Variants in ZNF410 observed in about 807,000 individuals in gnomAD.
ZNF410 encodes another partner for ARF 1.
ZNF410 carries 18 observed loss-of-function variants against 54.8 expected under a neutral mutation model. The ratio of observed to expected loss-of-function variants is 0.33; its 90% CI spans 0.23 to 0.49. The LOEUF (loss-of-function observed/expected upper bound fraction) is 0.49. Ranked by LOEUF, ZNF410 falls within the 20% of genes least tolerant of loss-of-function variation. The pLI, the probability that ZNF410 is intolerant of heterozygous loss-of-function variation, is 0.99. For synonymous variants in ZNF410, 191 were observed against 207.3 expected (o/e 0.92, Z 0.68); for missense variants, 405 against 569.6 (o/e 0.71, Z 2.94).
chr14:73,895,334 C>G (rs1413537327), intron 3 of ZNF410: 1 of 152,088 alleles, frequency 6.6e-6, no homozygotes, highest in African/African-American at 2.4e-5. Flanking sequence ...TAAGTTAGTA[C>G]AGCCATTATG....
chr14:73,896,235 A>G, intron 3 of ZNF410, 81 bp from the exon 4 acceptor site: 1 of 982,322 alleles, frequency 1.0e-6, no homozygotes, highest in Non-Finnish European at 1.6e-6. Context: ...AGCTTCCAAG[A>G]GATGTTGGGT....
At chr14:73,889,236 G>A (rs570547225) in intron 1 of ZNF410, among the ~76,000 whole-genome samples, 19 of 152,084 alleles carry the variant, frequency 1.2e-4, no homozygotes, top group Middle Eastern at 3.4e-3. Flanking sequence ...GTGCAGTGGC[G>A]TGATCACTGT....
At chr14:73,894,078 A>T (rs1401325520) in intron 3 of ZNF410, 146 bp downstream of exon 3, 2 of 1,000,486 alleles carry the variant, frequency 2.0e-6, no homozygotes, top group Admixed American at 2.8e-5. Flanking sequence ...GCAACCATGA[A>T]ATCATTAGTG....
intron 9 of ZNF410, among the ~76,000 whole-genome samples, chr14:73,921,529 G>A (rs969179316): frequency 1.3e-5 from 2 of 152,152 alleles, no homozygotes; most frequent in African/African-American, 4.8e-5. Flanking sequence ...CCAGGCTGGA[G>A]TGCAGTGGCG....
intron 7 of ZNF410, among the ~76,000 whole-genome samples, chr14:73,906,856 CTG>C (rs2055498090): frequency 6.6e-6 from 1 of 151,998 alleles, no homozygotes; most frequent in Non-Finnish European, 1.5e-5. Context: ...GCTTTTATCT[CTG>C]TTAATCTCTG....
intron 1 of ZNF410, among the ~76,000 whole-genome samples, chr14:73,888,081 TACAGTAGGGA>T (rs1342037899): frequency 6.6e-6 from 1 of 152,092 alleles, no homozygotes; most frequent in East Asian, 1.9e-4. Context: ...AACAGGGCAT[TACAGTAGGGA>T]ACAGAGAACA....
chr14:73,896,174 C>T (rs2055314569), intron 3 of ZNF410, 142 bp from the exon 4 acceptor site: 2 of 648,822 alleles, frequency 3.1e-6, no homozygotes, highest in Non-Finnish European at 2.7e-6. Context: ...TTCTGTGAGA[C>T]AAAGTTTTTA....
intron 11 of ZNF410, among the ~76,000 whole-genome samples, chr14:73,924,377 G>T (rs901200165): frequency 6.6e-6 from 1 of 152,128 alleles, no homozygotes; most frequent in Non-Finnish European, 1.5e-5. Context: ...TTCCTAACAG[G>T]GCACGGACCA....
intron 8 of ZNF410, among the ~76,000 whole-genome samples, chr14:73,911,255 G>A (rs890747225): frequency 1.3e-5 from 2 of 152,138 alleles, no homozygotes; most frequent in African/African-American, 4.8e-5. Flanking sequence ...GCTTGCTGAG[G>A]AAGAGATGAA....
chr14:73,900,450 C>T, intron 5 of ZNF410, among the ~76,000 whole-genome samples: 1 of 151,248 alleles, frequency 6.6e-6, no homozygotes, highest in Admixed American at 6.6e-5. Flanking sequence ...TCTCGGCTCA[C>T]TGCAAACTCT....
In ZNF410 at chr14:73,896,573, GA is replaced by G. The variant is rs544936991; in HGVS notation, c.388+46del. 386 of 1,534,924 alleles carry G rather than the reference GA, an allele frequency of 2.5e-4. 1 individual carries two copies. The African/African-American group carries it at 4.7e-3, about 19-fold the overall frequency. On this transcript the variant is annotated intron_variant, in intron 4 of 11. Coordinates refer to ENST00000555044, the MANE Select transcript of ZNF410 (RefSeq NM_021188.3). Reference sequence around the variant, plus strand: ...TTTTTTGGGCTCTGCTTATGCCTAAGAAAAAAATTAGGGGTGGGGCATATTT... The same window carrying G: ...TTTTTTGGGCTCTGCTTATGCCTAAGAAAAAATTAGGGGTGGGGCATATTT...
At position 73,911,345 on chromosome 14, in the gene ZNF410, C is replaced by G. The variant is rs180710617; in HGVS notation, c.1003+1915C>G. 1.5e-3 allele frequency among the ~76,000 whole-genome samples: 221 copies of G among 152,226 alleles called. 1 individual carries two copies. The highest frequency in any genetic ancestry group is 0.01 in the Middle Eastern group (3 of 294). On this transcript the variant is annotated intron_variant, in intron 8 of 11. Transcript: ENST00000555044. ...CGTGGGAAACAAGGGGAAGCCAGAACATGACAAGTGGAGAGGAGGAACTGG... is the reference window on the plus strand; with the variant it reads ...CGTGGGAAACAAGGGGAAGCCAGAAGATGACAAGTGGAGAGGAGGAACTGG...
intron 1 of ZNF410, 21 bp from the exon 2 acceptor site, chr14:73,892,006 T>C (rs1170457518): frequency 3.9e-6 from 3 of 760,626 alleles, no homozygotes; most frequent in Non-Finnish European, 7.0e-6. Flanking sequence ...GCCCCCTCTC[T>C]CTTTTTTACC....
chr14:73,894,181 T>C (rs902550365), intron 3 of ZNF410, among the ~76,000 whole-genome samples: 6 of 152,086 alleles, frequency 3.9e-5, no homozygotes, highest in Admixed American at 6.6e-5. Context: ...GAACTCTTTA[T>C]TTAAGGTACA....
At chr14:73,924,279 C>G (rs2055796634) in intron 11 of ZNF410, among the ~76,000 whole-genome samples, 1 of 152,128 alleles carries the variant, frequency 6.6e-6, no homozygotes, top group African/African-American at 2.4e-5. Flanking sequence ...CTATGAGAAT[C>G]TGTTGCTGCT....
At chr14:73,898,399 AATTTT>A in intron 5 of ZNF410, 137 bp downstream of exon 5, 1 of 998,376 alleles carries the variant, frequency 1.0e-6, no homozygotes, top group Non-Finnish European at 1.4e-6. Flanking sequence ...AAATTGTTTA[AATTTT>A]ATTTTCTATA....
chr14:73,897,629 T>C (rs2055339236), intron 4 of ZNF410, among the ~76,000 whole-genome samples: 1 of 151,904 alleles, frequency 6.6e-6, no homozygotes, highest in Admixed American at 6.6e-5. Flanking sequence ...TGCTCTTCAG[T>C]GAGAAGTTTG....
chr14:73,901,240 AGGCTGCTACTATG>A (rs779321355), intron 5 of ZNF410, among the ~76,000 whole-genome samples: 1 of 152,218 alleles, frequency 6.6e-6, no homozygotes, highest in Non-Finnish European at 1.5e-5. Context: ...AAATTGTCTA[AGGCTGCTACTATG>A]GCAAAGCTGA....
intron 11 of ZNF410, among the ~76,000 whole-genome samples, chr14:73,929,522 A>G (rs2055880616): frequency 6.6e-6 from 1 of 152,174 alleles, no homozygotes. Flanking sequence ...ATAGCTTATC[A>G]AGAATATCAG....
Sources: allele counts gnomAD v4.1 joint callset (sites outside exome capture counted in the v4.1 genomes callset), GRCh38; gene constraint gnomAD v4.1.1; transcripts MANE v1.5; gene names NCBI Gene and HGNC (gene_info 2026-07-23, HGNC 2026-07-21).